The following RANBP2 variants were observed in gnomAD, a reference collection of about 807,000 sequenced individuals.
RANBP2 encodes E3 SUMO-protein ligase RanBP2.
In RANBP2, 57 loss-of-function variants were observed where a neutral mutation model predicts 303.6. The observed-to-expected ratio is 0.19, with a 90% CI of 0.15 to 0.23. The LOEUF (loss-of-function observed/expected upper bound fraction) is 0.23, where lower values mean the gene tolerates loss of function less well. RANBP2 is among the 10% of genes least tolerant of loss of function. The pLI, the probability that RANBP2 is intolerant of heterozygous loss-of-function variation, is 1.00. For missense variants in RANBP2, 3,138 were observed against 3,780.8 expected, an observed-to-expected ratio of 0.83 and a Z score of 4.46; for synonymous variants, 1,167 against 1,301.5, an observed-to-expected ratio of 0.90 and a Z score of 2.23.
chr2:108,723,283 CT>C (rs796995748), intron 1 of RANBP2, among the ~76,000 whole-genome samples: 140 of 141,930 alleles, frequency 9.9e-4, no homozygotes, highest in Admixed American at 9.9e-4. Flanking sequence ...ATTTTCTTTT[CT>C]TTTTTTTTTT....
the RANBP2 span, chr2:108,856,960 G>A: frequency 8.8e-6 from 14 of 1,593,004 alleles, no homozygotes; most frequent in African/African-American, 4.1e-5. Flanking sequence ...TCCAGATGAC[G>A]GTGGAATCTA....
chr2:109,718,671 C>T, the RANBP2 span, among the ~76,000 whole-genome samples: 2 of 152,036 alleles, frequency 1.3e-5, no homozygotes, highest in African/African-American at 4.8e-5. Context: ...CCACATCAAC[C>T]CTGTGACTTA....
chr2:108,857,066 C>CTTT, the RANBP2 span: 89 of 44,088 alleles, frequency 2.0e-3, 21 homozygotes, highest in African/African-American at 7.3e-3. Context: ...GATACTATTG[C>CTTT]TTTTTTTTTT....
the RANBP2 span, among the ~76,000 whole-genome samples, chr2:108,929,791 G>GAA: frequency 6.6e-6 from 1 of 152,122 alleles, no homozygotes; most frequent in Non-Finnish European, 1.5e-5. Flanking sequence ...CAGCACTCAG[G>GAA]AAAAAATGTA....
the RANBP2 span, among the ~76,000 whole-genome samples, chr2:109,341,473 G>C: frequency 1.3e-5 from 2 of 152,240 alleles, no homozygotes; most frequent in African/African-American, 4.8e-5. Context: ...ATGAAAGTCA[G>C]TGCCTTGGCT....
the RANBP2 span, among the ~76,000 whole-genome samples, chr2:109,174,463 T>C: frequency 6.6e-6 from 1 of 151,978 alleles, no homozygotes; most frequent in Admixed American, 6.6e-5. Flanking sequence ...CTGATCAGAG[T>C]AGGCACCAGG....
the RANBP2 span, among the ~76,000 whole-genome samples, chr2:108,836,832 T>C: frequency 6.6e-6 from 1 of 152,222 alleles, no homozygotes. Context: ...TATTTGTAAG[T>C]GGAACTGTTT....
chr2:109,287,856 A>T, the RANBP2 span, among the ~76,000 whole-genome samples: 2 of 152,138 alleles, frequency 1.3e-5, no homozygotes, highest in African/African-American at 4.8e-5. Flanking sequence ...AACCCCACTC[A>T]TAGTCCTATA....
At chr2:108,814,114 A>G in the RANBP2 span, among the ~76,000 whole-genome samples, 1 of 152,172 alleles carries the variant, frequency 6.6e-6, no homozygotes, top group Non-Finnish European at 1.5e-5. Context: ...CCAGGACTAC[A>G]ATTTCTGGGT....
Position 108,763,579 on chromosome 2 carries a change from G to A in RANBP2, c.3040G>A (p.Gly1014Arg), listed in dbSNP as rs902769119. 1 of 1,614,108 alleles carries A rather than the reference G, an allele frequency of 6.2e-7. No homozygotes were observed. The highest frequency in any genetic ancestry group is 1.3e-5 in the African/African-American group (1 of 75,032). The change falls in exon 20 of 29, where the codon GGA (glycine) becomes AGA (arginine). Residue 1014 changes from glycine to arginine, a missense_variant. Transcript: ENST00000283195. ...TTTTGTTCAGCCCATGCCGGGTGAA[G>A]GATTAAGGCCATCTTTGCCAACACA... is the stretch of plus-strand genomic sequence containing the variant. The part of the protein sequence containing the change: ...TNFVQPMPGE[G>R]LRPSLPTQAH...
At chr2:109,004,916 T>C in the RANBP2 span, among the ~76,000 whole-genome samples, 1 of 152,230 alleles carries the variant, frequency 6.6e-6, no homozygotes, top group Non-Finnish European at 1.5e-5. Context: ...TGCTCTGTGC[T>C]GGGAGAGTCT....
the RANBP2 span, among the ~76,000 whole-genome samples, chr2:109,476,353 C>G: frequency 7.2e-5 from 11 of 152,194 alleles, no homozygotes; most frequent in African/African-American, 2.7e-4. Context: ...CTGTGCCTAA[C>G]CCCAAGGGGA....
the RANBP2 span, among the ~76,000 whole-genome samples, chr2:109,410,035 C>T: frequency 2.6e-5 from 4 of 152,332 alleles, no homozygotes; most frequent in East Asian, 7.7e-4. Flanking sequence ...CGCCCAGACC[C>T]TCTTTTTTCC....
At chr2:109,153,328 C>A in the RANBP2 span, among the ~76,000 whole-genome samples, 3 of 152,136 alleles carry the variant, frequency 2.0e-5, no homozygotes, top group South Asian at 4.1e-4. Flanking sequence ...AAATTGCATG[C>A]CTTTTTTTCT....
At chr2:109,554,841 G>C in the RANBP2 span, among the ~76,000 whole-genome samples, 1 of 152,142 alleles carries the variant, frequency 6.6e-6, no homozygotes, top group African/African-American at 2.4e-5. Context: ...ACCCGTGTTA[G>C]TGCTGATATG....
At chr2:109,664,508 G>T in the RANBP2 span, among the ~76,000 whole-genome samples, 1 of 152,172 alleles carries the variant, frequency 6.6e-6, no homozygotes, top group Non-Finnish European at 1.5e-5. Context: ...GGAGGCTGAG[G>T]TGGGAGAATC....
the RANBP2 span, among the ~76,000 whole-genome samples, chr2:108,940,556 G>A: frequency 3.9e-5 from 6 of 152,246 alleles, no homozygotes; most frequent in Non-Finnish European, 7.3e-5. Context: ...CAGATCGGGC[G>A]GAGGTGAGAG....
At chr2:109,231,352 C>T in the RANBP2 span, among the ~76,000 whole-genome samples, 5 of 152,198 alleles carry the variant, frequency 3.3e-5, no homozygotes, top group Non-Finnish European at 5.9e-5. Flanking sequence ...AAATAACTCC[C>T]CTGGGAGAAG....
At chr2:108,925,666 G>A in the RANBP2 span, among the ~76,000 whole-genome samples, 8 of 152,030 alleles carry the variant, frequency 5.3e-5, no homozygotes, top group Non-Finnish European at 1.2e-4. Flanking sequence ...TGCCCATGCT[G>A]GAGTACAGAG....
Sources: gnomAD v4.1 joint callset for allele counts (sites outside exome capture counted in the v4.1 genomes callset) on GRCh38, gnomAD v4.1.1 for gene constraint, MANE v1.5 for transcripts, NCBI Gene and HGNC (gene_info 2026-07-23, HGNC 2026-07-21) for gene names.